The following LRRC37A2 variants were observed in gnomAD, a reference collection of about 807,000 sequenced individuals.
The protein encoded by LRRC37A2 is leucine rich repeat containing 37 member A2.
Under a neutral mutation model 68.8 loss-of-function variants are expected in LRRC37A2, and 9 were observed. That is an observed-to-expected ratio of 0.13 (90% CI 0.08 to 0.23). LRRC37A2 has a LOEUF of 0.23. Among genes scored for constraint, LRRC37A2 ranks in the 10% least tolerant of loss-of-function variants. The pLI is 1.00. For synonymous variants in LRRC37A2, 63 were observed against 367.6 expected (o/e 0.17, Z 9.48); for missense variants, 168 against 950.4 (o/e 0.18, Z 10.82).
chr17:46,974,422 A>G, the LRRC37A2 span, among the ~76,000 whole-genome samples: 15 of 152,104 alleles, frequency 9.9e-5, no homozygotes, highest in African/African-American at 2.2e-4. Flanking sequence ...CCTCTTACCA[A>G]TGTGTTGTGG....
chr17:46,747,210 A>G, the LRRC37A2 span, among the ~76,000 whole-genome samples: 1 of 152,224 alleles, frequency 6.6e-6, no homozygotes, highest in Non-Finnish European at 1.5e-5. Context: ...ACAAATTGGA[A>G]AAAGGGGCAA....
chr17:46,605,448 C>CA, the LRRC37A2 span, among the ~76,000 whole-genome samples: 3 of 118,056 alleles, frequency 2.5e-5, no homozygotes, highest in Non-Finnish European at 3.6e-5. Context: ...AACTCCATCT[C>CA]AAAAAAAAAA....
chr17:46,764,983 G>A, the LRRC37A2 span, among the ~76,000 whole-genome samples: 14 of 152,236 alleles, frequency 9.2e-5, no homozygotes, highest in Non-Finnish European at 1.5e-4. Flanking sequence ...CTGCTGTGCT[G>A]GGCTCACGCC....
At chr17:46,932,319 A>G in the LRRC37A2 span, 3 of 1,164,156 alleles carry the variant, frequency 2.6e-6, no homozygotes, top group Admixed American at 5.3e-5. Flanking sequence ...TGAGGAAACC[A>G]ACTGGAAATG....
chr17:46,881,585 C>T, the LRRC37A2 span, among the ~76,000 whole-genome samples: 1 of 152,334 alleles, frequency 6.6e-6, no homozygotes, highest in Non-Finnish European at 1.5e-5. Flanking sequence ...TCCTCACCTC[C>T]TCCTGCCCTC....
At chr17:46,972,570 G>A in the LRRC37A2 span, among the ~76,000 whole-genome samples, 1 of 152,230 alleles carries the variant, frequency 6.6e-6, no homozygotes, top group Non-Finnish European at 1.5e-5. Flanking sequence ...CGTTGGTGAC[G>A]GATGTTGGCC....
the LRRC37A2 span, among the ~76,000 whole-genome samples, chr17:47,004,730 A>G: frequency 6.6e-6 from 1 of 152,170 alleles, no homozygotes; most frequent in Non-Finnish European, 1.5e-5. Flanking sequence ...GCGTCTCACT[A>G]TGTTGCCCAG....
At chr17:46,530,688 T>C (rs1009550050) in intron 6 of LRRC37A2, among the ~76,000 whole-genome samples, 2 of 66,038 alleles carry the variant, frequency 3.0e-5, no homozygotes, top group African/African-American at 1.2e-4. Context: ...AATTCAGTGG[T>C]GGTTAGTATA....
the LRRC37A2 span, among the ~76,000 whole-genome samples, chr17:46,766,659 C>T: frequency 1.3e-5 from 2 of 152,124 alleles, no homozygotes; most frequent in Admixed American, 6.5e-5. Flanking sequence ...CTGAGTGAGT[C>T]GCCCCTCAGC....
the LRRC37A2 span, chr17:46,929,495 C>T: frequency 7.7e-7 from 1 of 1,304,074 alleles, no homozygotes; most frequent in Non-Finnish European, 1.1e-6. Flanking sequence ...CTGTCTCACT[C>T]ATTTCCTCCC....
the LRRC37A2 span, chr17:46,726,567 A>C: frequency 6.2e-7 from 1 of 1,614,020 alleles, no homozygotes; most frequent in Non-Finnish European, 8.5e-7. Flanking sequence ...TGATGCGTAC[A>C]AATCCCAGCT....
the LRRC37A2 span, among the ~76,000 whole-genome samples, chr17:46,973,736 C>A: frequency 3.9e-5 from 6 of 152,104 alleles, no homozygotes; most frequent in East Asian, 1.2e-3. Flanking sequence ...ATCTTGCTTT[C>A]TTGACAAGAA....
At chr17:46,765,750 C>A in the LRRC37A2 span, among the ~76,000 whole-genome samples, 1 of 152,256 alleles carries the variant, frequency 6.6e-6, no homozygotes, top group Non-Finnish European at 1.5e-5. Flanking sequence ...GCCCAGGAGC[C>A]TCTGTGGCTG....
chr17:46,809,839 G>A, the LRRC37A2 span, among the ~76,000 whole-genome samples: 1 of 151,998 alleles, frequency 6.6e-6, no homozygotes, highest in African/African-American at 2.4e-5. Context: ...GTGAGCATCA[G>A]GACCCCTACA....
the LRRC37A2 span, among the ~76,000 whole-genome samples, chr17:46,837,176 C>T: frequency 3.3e-5 from 5 of 152,218 alleles, no homozygotes; most frequent in Admixed American, 3.3e-4. Flanking sequence ...CTCTTGACCT[C>T]GTGATCTGCC....
the LRRC37A2 span, among the ~76,000 whole-genome samples, chr17:46,679,000 A>C: frequency 6.6e-6 from 1 of 151,644 alleles, no homozygotes; most frequent in Non-Finnish European, 1.5e-5. Flanking sequence ...CTCACAAATA[A>C]ATTATTGAGC....
the LRRC37A2 span, chr17:46,763,362 A>T: frequency 1.3e-5 from 2 of 152,152 alleles, no homozygotes; most frequent in Admixed American, 6.5e-5. Context: ...GCTTCACCTA[A>T]GGGAGTAGGT....
the LRRC37A2 span, chr17:47,017,760 C>T: frequency 6.2e-7 from 1 of 1,610,560 alleles, no homozygotes; most frequent in African/African-American, 1.3e-5. Flanking sequence ...TACAGATACA[C>T]CGTATCCCGG....
chr17:46,499,340 G>GC, the LRRC37A2 span, among the ~76,000 whole-genome samples: 1 of 140,654 alleles, frequency 7.1e-6, no homozygotes, highest in Non-Finnish European at 1.5e-5. Context: ...AAAAAAGGTG[G>GC]GGGGACAATG....
Sources: allele counts gnomAD v4.1 joint callset (sites outside exome capture counted in the v4.1 genomes callset), GRCh38; gene constraint gnomAD v4.1.1; transcripts MANE v1.5; gene names NCBI Gene and HGNC (gene_info 2026-07-23, HGNC 2026-07-21).